Variants in TEX10 observed in about 807,000 individuals in gnomAD.
TEX10 encodes the protein testis expressed 10.
TEX10 carries 24 observed loss-of-function variants against 104.4 expected under a neutral mutation model. That is an observed-to-expected ratio of 0.23 (90% CI 0.17 to 0.32). The LOEUF is 0.32. Ranked by LOEUF, TEX10 falls within the 10% of genes least tolerant of loss-of-function variation. The pLI is 1.00. For synonymous variants in TEX10, 396 were observed against 393.4 expected (o/e 1.01, Z -0.08); for missense variants, 921 against 1,083.9 (o/e 0.85, Z 2.11).
intron 9 of TEX10, among the ~76,000 whole-genome samples, chr9:100,325,975 TGAA>T (rs1185762788): frequency 6.6e-6 from 1 of 152,226 alleles, no homozygotes; most frequent in Non-Finnish European, 1.5e-5. Context: ...CTGAGCTCTC[TGAA>T]GAAAAGGTCT....
chr9:100,329,871 C>T (rs542994218), intron 6 of TEX10, 60 bp downstream of exon 6: 2 of 1,387,948 alleles, frequency 1.4e-6, no homozygotes, highest in Non-Finnish European at 2.0e-6. Context: ...CAAAGCTAGA[C>T]CTTAAGATAG....
rs41274953 is a variant in TEX10, at chr9:100,302,307, G to A, written c.2677-3C>T. On this transcript the variant is annotated splice_region_variant and splice_polypyrimidine_tract_variant and intron_variant, in intron 14 of 14. Coordinates refer to ENST00000374902, the MANE Select transcript of TEX10 (RefSeq NM_017746.4). ...TGAACACTTCCACTCTTCAATGTCTGGAGAGAAAAACAAGAGTAATCTGAG... is the reference window on the plus strand; with the variant it reads ...TGAACACTTCCACTCTTCAATGTCTAGAGAGAAAAACAAGAGTAATCTGAG... The A allele has an allele frequency of 0.11, 174,798 of 1,604,500 alleles. 10,945 individuals carry two copies. The highest frequency in any genetic ancestry group is 0.13 in the Non-Finnish European group (152,237 of 1,173,020).
chr9:100,302,338 C>T, intron 14 of TEX10, 34 bp from the exon 15 acceptor site: 2 of 1,459,074 alleles, frequency 1.4e-6, no homozygotes, highest in Non-Finnish European at 9.6e-7. Flanking sequence ...CTGAGAACTG[C>T]ACCCAAATCA....
intron 4 of TEX10, among the ~76,000 whole-genome samples, chr9:100,342,453 T>C (rs1835196816): frequency 6.6e-6 from 1 of 152,208 alleles, no homozygotes; most frequent in African/African-American, 2.4e-5. Flanking sequence ...TCTGTAATGA[T>C]CAAACTGTTC....
At chr9:100,349,659 GT>G (rs35135513) in intron 1 of TEX10, among the ~76,000 whole-genome samples, 89,603 of 150,494 alleles carry the variant, frequency 0.6, 27,770 homozygotes, top group East Asian at 0.88. Flanking sequence ...TCTGAAATGT[GT>G]TTTTTTTTTG....
rs189042211 is a variant in TEX10 at position 100,323,873 on chromosome 9, A to C, written c.1980-2102T>G. On this transcript the variant is annotated intron_variant, in intron 9 of 14. Transcript: ENST00000374902. The stretch of plus-strand genomic sequence containing the variant: ...ATTGCAGAAAAATCAATCTGGCAAC[A>C]GTATACAGGATGCATAGGACTGAGA... Among the ~76,000 whole-genome samples the C allele has an allele frequency of 6.6e-4, 100 of 152,354 alleles. 2 individuals are homozygous for C. The East Asian group carries it at 0.014, about 22-fold the overall frequency.
At chr9:100,324,952 T>C (rs1834665646) in intron 9 of TEX10, among the ~76,000 whole-genome samples, 1 of 152,198 alleles carries the variant, frequency 6.6e-6, no homozygotes, top group Non-Finnish European at 1.5e-5. Flanking sequence ...CTAATCAATA[T>C]TTAAAATTCT....
At chr9:100,314,942 T>C (rs1384520383) in intron 11 of TEX10, among the ~76,000 whole-genome samples, 1 of 152,208 alleles carries the variant, frequency 6.6e-6, no homozygotes, top group Non-Finnish European at 1.5e-5. Context: ...CTAAAATGTT[T>C]TGAATTTCTA....
rs1004648539 is a variant in TEX10, at chr9:100,352,752, G to C, written c.-10+20C>G. On this transcript the variant is annotated intron_variant, in intron 1 of 14. Transcript: ENST00000374902. ...CCCGCGCCCCGGGAGGACCCGGCCC[G>C]ACGGGCGACGGCCGCTTACCTGAGG... 2 of 1,157,450 alleles carry C rather than the reference G, an allele frequency of 1.7e-6. No individual in the cohort carries two copies. The highest frequency in any genetic ancestry group is 3.3e-5 in the African/African-American group (2 of 61,352). 71.7% of individuals were successfully genotyped at this position (1,157,450 alleles called of 1,614,324 possible).
intron 1 of TEX10, chr9:100,352,528 C>A: frequency 1.3e-6 from 2 of 1,549,814 alleles, no homozygotes; most frequent in Non-Finnish European, 1.7e-6. Context: ...CTCTCTCGGA[C>A]CCGAAACCAG....
At chr9:100,317,643 T>C (rs746996341) in intron 11 of TEX10, among the ~76,000 whole-genome samples, 20 of 151,946 alleles carry the variant, frequency 1.3e-4, no homozygotes, top group Non-Finnish European at 2.1e-4. Flanking sequence ...TAGGACTTCA[T>C]TACACTAAAA....
chr9:100,342,892 A>T (rs1835207985), intron 4 of TEX10, among the ~76,000 whole-genome samples: 1 of 152,172 alleles, frequency 6.6e-6, no homozygotes, highest in African/African-American at 2.4e-5. Context: ...TCATGCCTGT[A>T]ATCCCAGCAC....
chr9:100,342,088 C>G (rs1835188017), intron 4 of TEX10, among the ~76,000 whole-genome samples: 1 of 152,216 alleles, frequency 6.6e-6, no homozygotes, highest in Admixed American at 6.5e-5. Flanking sequence ...TCCTGCCATT[C>G]TTCAAATATG....
chr9:100,337,326 T>C (rs76639539), intron 5 of TEX10, among the ~76,000 whole-genome samples: 18,014 of 152,268 alleles, frequency 0.12, 1,406 homozygotes, highest in Middle Eastern at 0.18. Context: ...TTTTCAATAA[T>C]TTATTTACAC....
chr9:100,316,434 G>A (rs1834419447), intron 11 of TEX10, among the ~76,000 whole-genome samples: 1 of 152,098 alleles, frequency 6.6e-6, no homozygotes, highest in Non-Finnish European at 1.5e-5. Context: ...ACTGAATGAA[G>A]AAAAGTTGGA....
At chr9:100,308,252 T>A (rs1834188419) in intron 13 of TEX10, among the ~76,000 whole-genome samples, 1 of 152,156 alleles carries the variant, frequency 6.6e-6, no homozygotes, top group Non-Finnish European at 1.5e-5. Flanking sequence ...CAAGAAATTT[T>A]ATAATGCCAT....
At chr9:100,318,751 G>C (rs568110935) in intron 11 of TEX10, among the ~76,000 whole-genome samples, 1 of 152,310 alleles carries the variant, frequency 6.6e-6, no homozygotes, top group Non-Finnish European at 1.5e-5. Flanking sequence ...CAAAAGATCA[G>C]CCTTATAATT....
intron 8 of TEX10, among the ~76,000 whole-genome samples, chr9:100,326,697 A>G (rs1834713580): frequency 1.3e-5 from 2 of 152,354 alleles, no homozygotes; most frequent in Non-Finnish European, 2.9e-5. Context: ...AACATAATTT[A>G]AAGATTTAAT....
intron 3 of TEX10, 28 bp downstream of exon 3, chr9:100,346,664 CTG>C: frequency 1.3e-6 from 2 of 1,569,946 alleles, no homozygotes; most frequent in Non-Finnish European, 1.7e-6. Context: ...TACAGCAAAA[CTG>C]TGTGGACATA....
Sources: gnomAD v4.1 joint callset for allele counts (sites outside exome capture counted in the v4.1 genomes callset) on GRCh38, gnomAD v4.1.1 for gene constraint, MANE v1.5 for transcripts, NCBI Gene and HGNC (gene_info 2026-07-23, HGNC 2026-07-21) for gene names.